The following DOT1L variants were observed in gnomAD, a reference collection of about 807,000 sequenced individuals.
DOT1L encodes DOT1 like histone lysine methyltransferase.
DOT1L carries 33 observed loss-of-function variants against 153.3 expected under a neutral mutation model. The observed-to-expected ratio is 0.22, with a 90% CI of 0.16 to 0.29. The LOEUF is 0.29. Ranked by LOEUF, DOT1L falls within the 10% of genes least tolerant of loss-of-function variation. DOT1L has a pLI of 1.00. For synonymous variants in DOT1L, 1,135 were observed against 965.1 expected (o/e 1.18, Z -3.26); for missense variants, 1,847 against 2,119.9 (o/e 0.87, Z 2.53).
chr19:2,186,147 C>T (rs1282570693), intron 3 of DOT1L, among the ~76,000 whole-genome samples: 2 of 152,222 alleles, frequency 1.3e-5, no homozygotes, highest in South Asian at 2.1e-4. Context: ...TTGGAAACTC[C>T]GGTTGTGGAA....
At chr19:2,186,735 G>T (rs1487311279) in intron 3 of DOT1L, among the ~76,000 whole-genome samples, 2 of 152,256 alleles carry the variant, frequency 1.3e-5, no homozygotes, top group Non-Finnish European at 2.9e-5. Flanking sequence ...TCAGCACCCT[G>T]GTGCCCCACA....
rs2023167744 is a variant in DOT1L at position 2,199,759 on chromosome 19, GCCT to G, written c.652-118_652-116del. ...CAGGGCTGCAGCCGGTGGGGCCTGG[GCCT>G]CCTCCTGCTCCTTCACTGCAAGCGG... On this transcript the variant is annotated intron_variant, in intron 7 of 27. Transcript: ENST00000398665. 9 of 1,292,308 alleles carry G rather than the reference GCCT, an allele frequency of 7.0e-6. No individual in the cohort carries two copies. In the Admixed American group the frequency reaches 1.1e-4, roughly 15 times the overall value. 80.1% of individuals were successfully genotyped at this position (1,292,308 alleles called of 1,614,324 possible).
intron 26 of DOT1L, 137 bp from the exon 27 acceptor site, chr19:2,226,046 C>A: frequency 2.1e-6 from 2 of 932,032 alleles, no homozygotes; most frequent in Non-Finnish European, 1.5e-6. Flanking sequence ...CCCATCCTGT[C>A]CCGCTTGGCA....
Position 2,226,769 on chromosome 19 carries a change from C to T in DOT1L, c.4248C>T (p.Arg1416=). 15 of 1,568,812 alleles carry T rather than the reference C, an allele frequency of 9.6e-6. No individual in the cohort carries two copies. Among genetic ancestry groups the T allele is most frequent in the Non-Finnish European group, 1.2e-5 (14 of 1,163,682 alleles). ...GCAAGGCCGCCAAGGCCCGGGACCG[C>T]GAGGTCGACCTCAAGAATGGCCACA... ...LSGKAAKARD[R]EVDLKNGHNL... is the part of the protein sequence containing the mutation. Residue 1416 remains arginine (R), a synonymous_variant, in exon 27 of 28, where the codon CGC becomes CGT. Coordinates refer to ENST00000398665, the MANE Select transcript of DOT1L (RefSeq NM_032482.3).
At chr19:2,227,608 T>G in intron 27 of DOT1L, 1 of 1,061,536 alleles carries the variant, frequency 9.4e-7, no homozygotes, top group Non-Finnish European at 1.2e-6. Context: ...GAGCCGCTGC[T>G]TGTGCTTGGT....
At chr19:2,227,227 G>A in intron 27 of DOT1L, 100 bp downstream of exon 27, 1 of 1,467,926 alleles carries the variant, frequency 6.8e-7, no homozygotes, top group Non-Finnish European at 9.4e-7. Context: ...CAGGAGCTGA[G>A]CTGCAGGTCC....
intron 1 of DOT1L, among the ~76,000 whole-genome samples, chr19:2,166,927 C>A (rs2019945009): frequency 6.6e-6 from 1 of 152,174 alleles, no homozygotes; most frequent in African/African-American, 2.4e-5. Context: ...TGTAGTTCTG[C>A]CATTCTCAGA....
intron 26 of DOT1L, among the ~76,000 whole-genome samples, 196 bp downstream of exon 26, chr19:2,225,648 A>G (rs1373114629): frequency 6.6e-6 from 1 of 151,454 alleles, no homozygotes; most frequent in African/African-American, 2.4e-5. Context: ...CTGGGCTTCC[A>G]GAACTGCCTC....
chr19:2,199,760 C>T, intron 7 of DOT1L, 124 bp from the exon 8 acceptor site: 1 of 1,320,146 alleles, frequency 7.6e-7, no homozygotes, highest in Non-Finnish European at 1.0e-6. Flanking sequence ...GGGGCCTGGG[C>T]CTCCTCCTGC....
chr19:2,177,919 C>T (rs1475192891), intron 1 of DOT1L, among the ~76,000 whole-genome samples: 1 of 134,402 alleles, frequency 7.4e-6, no homozygotes, highest in Non-Finnish European at 1.6e-5. Context: ...TGCCACCACA[C>T]CTAGCAATTT....
At position 2,217,982 on chromosome 19, in the gene DOT1L, G is replaced by A. The variant is rs1477725283; in HGVS notation, c.2691+64G>A. The A allele has an allele frequency of 3.8e-6, 6 of 1,565,722 alleles. No homozygotes were observed. Among genetic ancestry groups the A allele is most frequent in the African/African-American group, 1.3e-5 (1 of 74,242 alleles). Reference sequence around the variant, plus strand: ...TGAGGCAAAACAGTCTGGGGTGCTCGAGACCTGGCTCACTTTGCGAAGTCT... The same window carrying A: ...TGAGGCAAAACAGTCTGGGGTGCTCAAGACCTGGCTCACTTTGCGAAGTCT... On this transcript the variant is annotated intron_variant, in intron 22 of 27. Coordinates refer to ENST00000398665, the MANE Select transcript of DOT1L (RefSeq NM_032482.3). The surrounding 1 kb of genome is among the most constrained non-coding windows in gnomAD (Gnocchi z 7.3).
In DOT1L at chr19:2,204,309, G is replaced by A. The variant is rs1332856507; in HGVS notation, c.787+1530G>A. On this transcript the variant is annotated intron_variant, in intron 9 of 27. Transcript: ENST00000398665. This position sits in a 1 kb window ranked among gnomAD's most constrained non-coding sequence, Gnocchi z 5.7. ...TGTTTGTCTGTGTGTGTGCATGCAT[G>A]CCTGTGTCTCTCTGCGTCTGTGTGC... 6.6e-6 allele frequency among the ~76,000 whole-genome samples: 1 copy of A among 152,030 alleles called. No individual in the cohort carries two copies. The highest frequency in any genetic ancestry group is 1.9e-4 in the East Asian group (1 of 5,194).
Position 2,226,618 on chromosome 19 carries a change from C to G in DOT1L, c.4097C>G (p.Pro1366Arg). 6.3e-7 allele frequency: 1 copy of G among 1,595,674 alleles called. No homozygotes were observed. The change falls in exon 27 of 28, where the codon CCT (proline) becomes CGT (arginine). Residue 1366 changes from proline to arginine, a missense_variant. By Grantham distance (103) the Pro-to-Arg change is moderately radical. Coordinates refer to ENST00000398665, the MANE Select transcript of DOT1L (RefSeq NM_032482.3). ...QRGKEGSDANPFLSKRQLDGL... is the reference protein window; with the variant it reads ...QRGKEGSDANRFLSKRQLDGL... ...GGCAAGGAGGGCTCGGACGCCAACC[C>G]TTTCCTGAGCAAGAGGCAGCTGGAC...
At chr19:2,179,344 G>C (rs1419049520) in intron 1 of DOT1L, among the ~76,000 whole-genome samples, 1 of 149,216 alleles carries the variant, frequency 6.7e-6, no homozygotes, top group African/African-American at 2.4e-5. Context: ...GGAGAGGCTC[G>C]CTGAGGCTGC....
rs1293979174 is a variant in DOT1L at position 2,231,301 on chromosome 19, TC to T, written c.*1511del. 9.1e-6 allele frequency: 2 copies of T among 219,964 alleles called. No individual in the cohort carries two copies. The highest frequency in any genetic ancestry group is 2.2e-5 in the African/African-American group (1 of 44,540). 13.6% of individuals were successfully genotyped at this position (219,964 alleles called of 1,614,324 possible). A position where few individuals can be genotyped will look rare whatever the true frequency, so the allele number is the denominator to read the frequency against. On this transcript the variant is annotated 3_prime_UTR_variant, in exon 28 of 28. Coordinates refer to ENST00000398665, the MANE Select transcript of DOT1L (RefSeq NM_032482.3). ...AGCCCCTTCCCCAAGGTGCCACAGA[TC>T]CACCCTCCAGGGAGCTGCCAGCCCT... is the stretch of plus-strand genomic sequence containing the variant.
chr19:2,198,910 C>T (rs140598707), intron 7 of DOT1L, among the ~76,000 whole-genome samples: 96 of 152,340 alleles, frequency 6.3e-4, no homozygotes, highest in Non-Finnish European at 4.1e-4. Context: ...CATTGGGGTC[C>T]TGCTTCCAGG....
At position 2,226,667 on chromosome 19, in the gene DOT1L, G is replaced by C; in HGVS notation, c.4146G>C (p.Glu1382Asp). 6.3e-7 allele frequency: 1 copy of C among 1,577,940 alleles called. No individual in the cohort carries two copies. The highest frequency in any genetic ancestry group is 1.1e-5 in the South Asian group (1 of 88,200). The change falls in exon 27 of 28, where the codon GAG (glutamate) becomes GAC (aspartate). Residue 1382 changes from glutamate to aspartate, a missense_variant. By Grantham distance (45) the Glu-to-Asp change is conservative. Coordinates refer to ENST00000398665, the MANE Select transcript of DOT1L (RefSeq NM_032482.3). ...ACGGCCTGGCTGGGCTGAAGGGCGA[G>C]GGCAGCCGCGGCAAGGAGGCAGGGG... is the stretch of plus-strand genomic sequence containing the variant. The part of the protein sequence containing the change: ...QLDGLAGLKG[E>D]GSRGKEAGEG...
In DOT1L at chr19:2,214,606, G is replaced by A. The variant is rs754787908; in HGVS notation, c.1923+10G>A. 16 of 1,610,730 alleles carry A rather than the reference G, an allele frequency of 9.9e-6. No homozygotes were observed. The highest frequency in any genetic ancestry group is 5.3e-5 in the African/African-American group (4 of 74,916). On this transcript the variant is annotated intron_variant, in intron 19 of 27. Coordinates refer to ENST00000398665, the MANE Select transcript of DOT1L (RefSeq NM_032482.3). Reference sequence around the variant, plus strand: ...CTGCCTGGAGCTGCAGGTGGGCTGCGCGCGAGGCTGCACTCCGTGGTGTCC... The same window carrying A: ...CTGCCTGGAGCTGCAGGTGGGCTGCACGCGAGGCTGCACTCCGTGGTGTCC...
At chr19:2,194,727 C>T (rs1231624633) in intron 7 of DOT1L, 150 bp downstream of exon 7, 2 of 837,472 alleles carry the variant, frequency 2.4e-6, no homozygotes, top group East Asian at 5.4e-5. Flanking sequence ...CGTAGGGCTG[C>T]CTGGGCGTGG....
Sources: gnomAD v4.1 joint callset for allele counts (sites outside exome capture counted in the v4.1 genomes callset) on GRCh38, gnomAD v4.1.1 for gene constraint, Gnocchi (gnomAD v3.1) non-coding constraint, MANE v1.5 for transcripts, NCBI Gene and HGNC (gene_info 2026-07-23, HGNC 2026-07-21) for gene names.